ABCG2: variants seen among roughly 807,000 people sequenced by gnomAD.
The protein encoded by ABCG2 is ATP binding cassette subfamily G member 2 (JR blood group), also known as broad substrate specificity ATP-binding cassette transporter ABCG2.
In ABCG2, 80 loss-of-function variants were observed where a neutral mutation model predicts 73.5. The observed-to-expected ratio is 1.09, with a 90% CI of 0.91 to 1.31. The LOEUF (loss-of-function observed/expected upper bound fraction) is 1.31. Among genes scored for constraint, ABCG2 ranks in the 50% most tolerant of loss-of-function variants. The pLI, the probability that ABCG2 is intolerant of heterozygous loss-of-function variation, is 0.00. For missense variants in ABCG2, 796 were observed against 786.2 expected (o/e 1.01, Z -0.15); for synonymous variants, 269 against 282.4 (o/e 0.95, Z 0.48).
chr4:88,098,171 T>G (rs1163248489), intron 12 of ABCG2, among the ~76,000 whole-genome samples: 1 of 152,192 alleles, frequency 6.6e-6, no homozygotes, highest in East Asian at 1.9e-4. Context: ...TAATACAATC[T>G]GAAGATTTGA....
intron 9 of ABCG2, among the ~76,000 whole-genome samples, chr4:88,108,551 A>G (rs376577405): frequency 1.3e-5 from 2 of 152,196 alleles, no homozygotes; most frequent in East Asian, 1.9e-4. Context: ...TGATAAATAA[A>G]TAAGAATAAA....
At chr4:88,104,284 C>T (rs1180255082) in intron 10 of ABCG2, among the ~76,000 whole-genome samples, 1 of 152,156 alleles carries the variant, frequency 6.6e-6, no homozygotes, top group Non-Finnish European at 1.5e-5. Context: ...GAGAATTCAT[C>T]CCCAAAGAAG....
At chr4:88,217,012 C>T (rs1255217006) in intron 1 of ABCG2, among the ~76,000 whole-genome samples, 2 of 150,396 alleles carry the variant, frequency 1.3e-5, no homozygotes, top group African/African-American at 4.9e-5. Context: ...GCCTGGGTGA[C>T]AGAGCAAGAC....
At chr4:88,222,932 G>A (rs1730066422) in intron 1 of ABCG2, among the ~76,000 whole-genome samples, 1 of 152,210 alleles carries the variant, frequency 6.6e-6, no homozygotes, top group Non-Finnish European at 1.5e-5. Flanking sequence ...TCTTCCATCA[G>A]GGTGACTTGG....
chr4:88,127,298 T>C (rs28750688), intron 5 of ABCG2, among the ~76,000 whole-genome samples: 127 of 152,350 alleles, frequency 8.3e-4, no homozygotes, highest in Non-Finnish European at 1.5e-3. Context: ...AAACATTTCA[T>C]GCTCATGGAT....
At chr4:88,158,727 C>T (rs1389115346), upstream of ABCG2, 2 of 428,116 alleles carry the variant, frequency 4.7e-6, no homozygotes, top group East Asian at 8.5e-5. Context: ...CAACCACACC[C>T]GGCGCGCCCG....
chr4:88,153,973 CT>C (rs1560720944), intron 1 of ABCG2, among the ~76,000 whole-genome samples: 1 of 152,116 alleles, frequency 6.6e-6, no homozygotes, highest in Non-Finnish European at 1.5e-5. Context: ...AGGCTAGCGG[CT>C]TGTAACCTAC....
rs780822175 is a variant in ABCG2, at chr4:88,121,885, T to C, written c.532-93A>G. ...TGTGCCAGTCCTGTAAGAGACACTT[T>C]ATCTCATTAAGTTCATTTATTCTGA... On this transcript the variant is annotated intron_variant, in intron 5 of 15. Transcript: ENST00000237612. 4.3e-4 allele frequency: 531 copies of C among 1,233,078 alleles called. 1 individual carries two copies. The Middle Eastern group carries it at 0.013, about 30-fold the overall frequency. The allele number at this position is 1,233,078 out of a possible 1,614,324, so 76.4% of individuals were successfully genotyped here.
Position 88,107,164 on chromosome 4 carries a change from C to A in ABCG2, c.1277+20G>T. On this transcript the variant is annotated intron_variant, in intron 10 of 15. Transcript: ENST00000237612. Reference sequence around the variant, plus strand: ...GAAAGTAACAGCATTTTCTGAAAATCAAGATCCAAATTTACTTACCTGTTC... The same window carrying A: ...GAAAGTAACAGCATTTTCTGAAAATAAAGATCCAAATTTACTTACCTGTTC... The A allele has an allele frequency of 1.3e-6, 2 of 1,562,364 alleles. No homozygotes were observed. The highest frequency in any genetic ancestry group is 1.7e-6 in the Non-Finnish European group (2 of 1,147,100).
intron 2 of ABCG2, among the ~76,000 whole-genome samples, chr4:88,133,613 A>T (rs1414317946): frequency 6.6e-6 from 1 of 152,228 alleles, no homozygotes; most frequent in Admixed American, 6.5e-5. Context: ...AAATTATGGC[A>T]GTGTTGACTG....
intron 2 of ABCG2, among the ~76,000 whole-genome samples, chr4:88,133,359 C>T (rs538098783): frequency 2.7e-5 from 4 of 150,324 alleles, no homozygotes; most frequent in Admixed American, 1.3e-4. Flanking sequence ...AAAACATGAC[C>T]GAAAGAAAAA....
In ABCG2 at chr4:88,097,347, C is replaced by T. The variant is rs535022729; in HGVS notation, c.1647+106G>A. 3.7e-5 allele frequency: 48 copies of T among 1,289,832 alleles called. No individual in the cohort carries two copies. The African/African-American group carries it at 6.3e-4, about 17-fold the overall frequency. 79.9% of individuals were successfully genotyped at this position (1,289,832 alleles called of 1,614,324 possible). Reference sequence around the variant, plus strand: ...AGATGGCCTTAAGTAAAGCAGAGCCCCATTTACAGAATCCTCAAAACAGGT... The same window carrying T: ...AGATGGCCTTAAGTAAAGCAGAGCCTCATTTACAGAATCCTCAAAACAGGT... On this transcript the variant is annotated intron_variant, in intron 13 of 15. Transcript: ENST00000237612.
intron 1 of ABCG2, among the ~76,000 whole-genome samples, chr4:88,153,541 T>C (rs139964930): frequency 0.34 from 40,919 of 119,516 alleles, 8,424 homozygotes; most frequent in East Asian, 0.58. Flanking sequence ...AGATTGAGGA[T>C]GGTAAGGGAT....
intron 1 of ABCG2, among the ~76,000 whole-genome samples, chr4:88,224,225 G>A (rs980664696): frequency 2.6e-5 from 4 of 152,088 alleles, no homozygotes; most frequent in African/African-American, 9.7e-5. Flanking sequence ...CAAGGCAGGT[G>A]GATCACTTGA....
chr4:88,163,778 G>A (rs1727407849), upstream of ABCG2: 1 of 384,560 alleles, frequency 2.6e-6, no homozygotes, highest in Non-Finnish European at 5.2e-6. Flanking sequence ...GTTAATACCA[G>A]GTTCAACAAA....
upstream of ABCG2, chr4:88,159,283 C>T (rs58132660): frequency 6.0e-4 from 272 of 453,348 alleles, no homozygotes; most frequent in Middle Eastern, 3.9e-3. Flanking sequence ...CACAGGTTGC[C>T]CAGTCACAAG....
chr4:88,147,134 A>C (rs1172290810), intron 1 of ABCG2, among the ~76,000 whole-genome samples: 2 of 152,170 alleles, frequency 1.3e-5, no homozygotes, highest in Non-Finnish European at 2.9e-5. Context: ...AAGAAAACTA[A>C]AAGAATCCAT....
chr4:88,181,398 CAAA>C (rs57417105), intron 1 of ABCG2, among the ~76,000 whole-genome samples: 71 of 96,874 alleles, frequency 7.3e-4, no homozygotes, highest in African/African-American at 3.3e-3. Context: ...GACTCCATCT[CAAA>C]AAAAAAAAAA....
At chr4:88,212,217 A>C (rs1729632408) in intron 1 of ABCG2, among the ~76,000 whole-genome samples, 1 of 152,206 alleles carries the variant, frequency 6.6e-6, no homozygotes, top group Admixed American at 6.5e-5. Flanking sequence ...ACTACCAAAA[A>C]ATATGAACAT....
Sources: gnomAD v4.1 joint callset for allele counts (sites outside exome capture counted in the v4.1 genomes callset) on GRCh38, gnomAD v4.1.1 for gene constraint, MANE v1.5 for transcripts, NCBI Gene and HGNC (gene_info 2026-07-23, HGNC 2026-07-21) for gene names.